Variants in SPATA16 observed in about 807,000 individuals in gnomAD.
SPATA16 encodes spermatogenesis associated 16.
Under a neutral mutation model 63.3 loss-of-function variants are expected in SPATA16, and 36 were observed. The observed-to-expected ratio is 0.57, with a 90% CI of 0.44 to 0.75. The LOEUF (loss-of-function observed/expected upper bound fraction) is 0.75. Among genes scored for constraint, SPATA16 ranks in the 30% least tolerant of loss-of-function variants. The probability of loss-of-function intolerance (pLI) is 0.00; values close to 1 mark genes in which losing one functional copy is unlikely to be tolerated. For synonymous variants in SPATA16, 203 were observed against 216.7 expected (o/e 0.94, Z 0.56); for missense variants, 646 against 679.3 (o/e 0.95, Z 0.54).
At chr3:173,079,503 T>C (rs180713226) in intron 2 of SPATA16, among the ~76,000 whole-genome samples, 4 of 152,330 alleles carry the variant, frequency 2.6e-5, no homozygotes, top group Admixed American at 2.6e-4. Flanking sequence ...TTAAATGCAA[T>C]ATGGAAGTAA....
At chr3:173,064,171 G>C (rs1056543496) in intron 2 of SPATA16, among the ~76,000 whole-genome samples, 3 of 151,916 alleles carry the variant, frequency 2.0e-5, no homozygotes, top group African/African-American at 7.3e-5. Flanking sequence ...AGCTGGGCAT[G>C]GTGGCACGCA....
In SPATA16 at chr3:172,918,004, TACTC is replaced by T. The variant is rs566563903; in HGVS notation, c.1339-1527_1339-1524del. 3.9e-4 allele frequency among the ~76,000 whole-genome samples: 60 copies of T among 152,356 alleles called. No homozygotes were observed. In the South Asian group the frequency reaches 0.012, roughly 29 times the overall value. On this transcript the variant is annotated intron_variant, in intron 8 of 10. Coordinates refer to ENST00000351008, the MANE Select transcript of SPATA16 (RefSeq NM_031955.6). ...ATATGCTGTTCAGTGAATGTCTTCT[TACTC>T]ACACTAATTTGTTCTTTCTGATTAA...
intron 4 of SPATA16, among the ~76,000 whole-genome samples, chr3:172,980,153 G>A (rs1182844632): frequency 6.6e-6 from 1 of 152,186 alleles, no homozygotes; most frequent in Non-Finnish European, 1.5e-5. Context: ...ATAACATTAT[G>A]TCATGCAATA....
At chr3:172,989,997 G>A (rs1353729734) in intron 4 of SPATA16, among the ~76,000 whole-genome samples, 1 of 152,100 alleles carries the variant, frequency 6.6e-6, no homozygotes, top group Non-Finnish European at 1.5e-5. Flanking sequence ...GAATATTCTT[G>A]TTTTCTACCC....
At chr3:173,129,246 C>G (rs1738307568) in intron 1 of SPATA16, among the ~76,000 whole-genome samples, 1 of 152,142 alleles carries the variant, frequency 6.6e-6, no homozygotes, top group Non-Finnish European at 1.5e-5. Flanking sequence ...GTTCCAAACT[C>G]AAGAACCAAA....
chr3:173,028,015 C>CTCCCTCCCTCCCTTCT (rs1560100971), intron 3 of SPATA16, among the ~76,000 whole-genome samples: 17 of 55,490 alleles, frequency 3.1e-4, no homozygotes, highest in East Asian at 3.0e-3. Context: ...CCCTCCCTCC[C>CTCCCTCCCTCCCTTCT]TTCCTTCTTT....
intron 10 of SPATA16, among the ~76,000 whole-genome samples, chr3:172,903,555 A>C (rs1297292961): frequency 6.6e-6 from 1 of 152,186 alleles, no homozygotes; most frequent in East Asian, 1.9e-4. Context: ...TTGTGTTTTC[A>C]CTGAAAGCCT....
intron 3 of SPATA16, among the ~76,000 whole-genome samples, chr3:173,020,348 A>G (rs976306157): frequency 6.6e-6 from 1 of 151,654 alleles, no homozygotes; most frequent in Non-Finnish European, 1.5e-5. Flanking sequence ...TTTGAATTCC[A>G]TAATTAGGTT....
chr3:172,977,176 T>A (rs961348634), intron 4 of SPATA16, 124 bp from the exon 5 acceptor site: 10 of 808,546 alleles, frequency 1.2e-5, no homozygotes, highest in African/African-American at 1.0e-4. Context: ...TTGTCTAGAC[T>A]AATATTAAGC....
chr3:173,014,046 C>G (rs1378775904), intron 4 of SPATA16, among the ~76,000 whole-genome samples: 1 of 152,062 alleles, frequency 6.6e-6, no homozygotes, highest in Non-Finnish European at 1.5e-5. Flanking sequence ...GAACTTAAAA[C>G]AGAGCCACCA....
At chr3:173,081,726 A>G (rs919950473) in intron 2 of SPATA16, among the ~76,000 whole-genome samples, 1 of 152,180 alleles carries the variant, frequency 6.6e-6, no homozygotes, top group African/African-American at 2.4e-5. Context: ...TTACCAGAAA[A>G]GGAAAAAAGA....
chr3:172,925,962 A>G (rs1732723639), intron 6 of SPATA16, among the ~76,000 whole-genome samples: 2 of 151,908 alleles, frequency 1.3e-5, no homozygotes, highest in Admixed American at 6.6e-5. Flanking sequence ...AGTAGCTGGG[A>G]TTACAGGCGC....
intron 3 of SPATA16, among the ~76,000 whole-genome samples, chr3:173,040,816 G>A (rs370670894): frequency 5.3e-5 from 8 of 152,102 alleles, no homozygotes; most frequent in Admixed American, 3.3e-4. Flanking sequence ...AAGTGAGATA[G>A]CTTATAAAGG....
intron 4 of SPATA16, among the ~76,000 whole-genome samples, chr3:173,006,601 T>C (rs1734951196): frequency 6.6e-6 from 1 of 152,212 alleles, no homozygotes; most frequent in African/African-American, 2.4e-5. Context: ...TCTCCTCCCT[T>C]GTGAGATACA....
intron 2 of SPATA16, among the ~76,000 whole-genome samples, chr3:173,064,179 G>A (rs760886905): frequency 6.6e-6 from 1 of 151,704 alleles, no homozygotes; most frequent in Admixed American, 6.6e-5. Flanking sequence ...ATGGTGGCAC[G>A]CACCTGTAAT....
intron 6 of SPATA16, among the ~76,000 whole-genome samples, chr3:172,943,813 A>G (rs1334687120): frequency 6.6e-6 from 1 of 152,182 alleles, no homozygotes; most frequent in Non-Finnish European, 1.5e-5. Flanking sequence ...GTCACCGCAG[A>G]AAAGTCAAGC....
At chr3:173,058,490 A>C (rs1020721950) in intron 2 of SPATA16, among the ~76,000 whole-genome samples, 8 of 152,162 alleles carry the variant, frequency 5.3e-5, no homozygotes, top group Admixed American at 3.3e-4. Context: ...TATACATCAT[A>C]AAAGTGCTCT....
intron 10 of SPATA16, among the ~76,000 whole-genome samples, chr3:172,901,245 G>A (rs981945404): frequency 6.6e-6 from 1 of 152,130 alleles, no homozygotes; most frequent in African/African-American, 2.4e-5. Context: ...TATTGCCCAG[G>A]CTGGAGTGCA....
At chr3:172,945,688 T>G (rs1461571609) in intron 6 of SPATA16, among the ~76,000 whole-genome samples, 2 of 152,108 alleles carry the variant, frequency 1.3e-5, no homozygotes, top group African/African-American at 2.4e-5. Context: ...GAGGGAGCAT[T>G]TAGATCAGCC....
Sources: gnomAD v4.1 joint callset for allele counts (sites outside exome capture counted in the v4.1 genomes callset) on GRCh38, gnomAD v4.1.1 for gene constraint, MANE v1.5 for transcripts, NCBI Gene and HGNC (gene_info 2026-07-23, HGNC 2026-07-21) for gene names.